Variants in SLC25A26 observed in about 807,000 individuals in gnomAD.
SLC25A26 encodes the protein solute carrier family 25 member 26.
In SLC25A26, 36 loss-of-function variants were observed where a neutral mutation model predicts 37.8. The ratio of observed to expected loss-of-function variants is 0.95; its 90% confidence interval spans 0.73 to 1.26. The LOEUF is 1.26. Among genes scored for constraint, SLC25A26 ranks in the 50% most tolerant of loss-of-function variants. SLC25A26 has a pLI of 0.00. For missense variants in SLC25A26, 390 were observed against 331.1 expected, an observed-to-expected ratio of 1.18 and a Z score of -1.38; for synonymous variants, 129 against 122.5, an observed-to-expected ratio of 1.05 and a Z score of -0.35.
At chr3:66,144,330 A>C (rs2070083235) in intron 1 of SLC25A26, among the ~76,000 whole-genome samples, 1 of 152,184 alleles carries the variant, frequency 6.6e-6, no homozygotes, top group Admixed American at 6.5e-5. Context: ...ACAATCCTGG[A>C]GGAAGATTTG....
intron 1 of SLC25A26, among the ~76,000 whole-genome samples, chr3:66,215,393 G>T (rs998554435): frequency 9.9e-5 from 15 of 152,040 alleles, no homozygotes; most frequent in Non-Finnish European, 1.8e-4. Context: ...TAGAAACAAG[G>T]TCTCCCCATG....
At chr3:66,344,612 GC>G (rs1245257460) in intron 5 of SLC25A26, among the ~76,000 whole-genome samples, 1 of 152,240 alleles carries the variant, frequency 6.6e-6, no homozygotes, top group Non-Finnish European at 1.5e-5. Context: ...CAGCTGGGCT[GC>G]CTGTGCAGTG....
chr3:66,325,567 AT>A (rs1457071547), intron 5 of SLC25A26, among the ~76,000 whole-genome samples: 1 of 152,114 alleles, frequency 6.6e-6, no homozygotes, highest in East Asian at 1.9e-4. Context: ...AGTTAATGGC[AT>A]TTTCCTGAGG....
chr3:66,304,500 AGTT>A (rs929374034), intron 5 of SLC25A26: 1 of 454,526 alleles, frequency 2.2e-6, no homozygotes, highest in Non-Finnish European at 4.4e-6. Context: ...AGCTTCTGTG[AGTT>A]GTTGTGTGTG....
intron 1 of SLC25A26, among the ~76,000 whole-genome samples, chr3:66,181,071 C>T (rs1452926753): frequency 1.3e-5 from 2 of 152,184 alleles, no homozygotes; most frequent in Non-Finnish European, 2.9e-5. Context: ...TGATCTTGGA[C>T]TTGCAGCCTT....
At chr3:66,328,980 C>T (rs2075906248) in intron 5 of SLC25A26, among the ~76,000 whole-genome samples, 1 of 152,084 alleles carries the variant, frequency 6.6e-6, no homozygotes, top group Admixed American at 6.6e-5. Context: ...TTAAAAGTTT[C>T]ATTAGAATTA....
chr3:66,163,430 C>T (rs190382246), intron 1 of SLC25A26, among the ~76,000 whole-genome samples: 1 of 152,258 alleles, frequency 6.6e-6, no homozygotes, highest in South Asian at 2.1e-4. Context: ...GGTCCTTTGT[C>T]ATAACCTTTC....
intron 5 of SLC25A26, among the ~76,000 whole-genome samples, chr3:66,282,755 G>A (rs1019897504): frequency 6.6e-6 from 1 of 152,120 alleles, no homozygotes; most frequent in Non-Finnish European, 1.5e-5. Flanking sequence ...TGTGAATTCA[G>A]CGTACGTATA....
intron 1 of SLC25A26, among the ~76,000 whole-genome samples, chr3:66,200,341 G>A (rs1240259126): frequency 6.6e-6 from 1 of 152,162 alleles, no homozygotes; most frequent in Non-Finnish European, 1.5e-5. Flanking sequence ...GCCGGGTGGG[G>A]TAAGCCAGCT....
intron 1 of SLC25A26, among the ~76,000 whole-genome samples, chr3:66,205,734 A>G (rs2071168039): frequency 6.6e-6 from 1 of 152,178 alleles, no homozygotes; most frequent in South Asian, 2.1e-4. Flanking sequence ...CTGTGGAAGA[A>G]TTATTTGTTT....
At chr3:66,269,260 A>G (rs1052205426) in intron 5 of SLC25A26, among the ~76,000 whole-genome samples, 28 of 152,330 alleles carry the variant, frequency 1.8e-4, no homozygotes, top group African/African-American at 6.3e-4. Context: ...GTTCTTTAAC[A>G]GGGCTGCAAC....
intron 1 of SLC25A26, among the ~76,000 whole-genome samples, chr3:66,193,016 C>T (rs1199974085): frequency 5.3e-5 from 8 of 151,930 alleles, no homozygotes; most frequent in African/African-American, 9.6e-5. Context: ...AAAGACAGTT[C>T]GTTATACTAG....
intron 1 of SLC25A26, among the ~76,000 whole-genome samples, chr3:66,225,999 G>C (rs2071728737): frequency 6.6e-6 from 1 of 152,166 alleles, no homozygotes; most frequent in African/African-American, 2.4e-5. Context: ...TGTCTTCTGA[G>C]CCCTTCAAAC....
intron 5 of SLC25A26, among the ~76,000 whole-genome samples, chr3:66,297,147 A>C (rs986586693): frequency 2.0e-5 from 3 of 152,126 alleles, no homozygotes; most frequent in African/African-American, 4.8e-5. Context: ...CAACATGATG[A>C]AACCCCTATC....
chr3:66,231,059 C>T (rs968243706), intron 1 of SLC25A26, among the ~76,000 whole-genome samples: 3 of 152,134 alleles, frequency 2.0e-5, no homozygotes, highest in Non-Finnish European at 2.9e-5. Flanking sequence ...CCTGTAGTCT[C>T]AGCTACTCCG....
At chr3:66,206,563 A>G (rs2071180196) in intron 1 of SLC25A26, among the ~76,000 whole-genome samples, 1 of 152,238 alleles carries the variant, frequency 6.6e-6, no homozygotes, top group Admixed American at 6.5e-5. Context: ...TTCTTTTATA[A>G]GAAAATCCTC....
intron 5 of SLC25A26, among the ~76,000 whole-genome samples, chr3:66,290,498 T>A (rs1040280433): frequency 7.9e-5 from 12 of 152,222 alleles, no homozygotes; most frequent in African/African-American, 2.9e-4. Flanking sequence ...CATCAATGCC[T>A]GGTTTATTGA....
chr3:66,377,830 A>C lies in SLC25A26; in HGVS notation c.*23A>C. ...TGAAGCAGAGACAAGCCTCACCTCCACTTCTGTCAAGAGAGGGGCCTGCAG... is the reference window on the plus strand; with the variant it reads ...TGAAGCAGAGACAAGCCTCACCTCCCCTTCTGTCAAGAGAGGGGCCTGCAG... On this transcript the variant is annotated 3_prime_UTR_variant, in exon 10 of 10. Coordinates refer to ENST00000354883, the MANE Select transcript of SLC25A26 (RefSeq NM_001379210.1). 6.4e-7 allele frequency: 1 copy of C among 1,573,890 alleles called. No individual in the cohort carries two copies.
At chr3:66,227,243 T>C (rs1461341112) in intron 1 of SLC25A26, among the ~76,000 whole-genome samples, 1 of 152,240 alleles carries the variant, frequency 6.6e-6, no homozygotes, top group East Asian at 1.9e-4. Flanking sequence ...TAGTTACTTA[T>C]CTAGATTAAT....
Sources: allele counts gnomAD v4.1 joint callset (sites outside exome capture counted in the v4.1 genomes callset), GRCh38; gene constraint gnomAD v4.1.1; transcripts MANE v1.5; gene names NCBI Gene and HGNC (gene_info 2026-07-23, HGNC 2026-07-21).